RBPJ: variants seen among roughly 807,000 people sequenced by gnomAD.
The protein encoded by RBPJ is recombination signal binding protein for immunoglobulin kappa J region, also known as recombining binding protein suppressor of hairless.
A neutral mutation model predicts 67.8 loss-of-function variants in RBPJ; 9 were observed. The ratio of observed to expected loss-of-function variants is 0.13; its 90% CI spans 0.08 to 0.23. The LOEUF is 0.23. Ranked by LOEUF, RBPJ falls within the 10% of genes least tolerant of loss-of-function variation. The probability of loss-of-function intolerance (pLI) is 1.00; values close to 1 mark genes in which losing one functional copy is unlikely to be tolerated. For missense variants in RBPJ, 305 were observed against 595.6 expected, an observed-to-expected ratio of 0.51 and a Z score of 5.08; for synonymous variants, 198 against 203.3, an observed-to-expected ratio of 0.97 and a Z score of 0.22.
At chr4:26,333,861 T>C (rs927788569) in intron 1 of RBPJ, among the ~76,000 whole-genome samples, 9 of 152,130 alleles carry the variant, frequency 5.9e-5, no homozygotes, top group African/African-American at 2.2e-4. Context: ...GCCTAATTTT[T>C]ATTTTTATTG....
chr4:26,413,943 A>G (rs1338788962), intron 3 of RBPJ, among the ~76,000 whole-genome samples: 1 of 152,156 alleles, frequency 6.6e-6, no homozygotes, highest in Non-Finnish European at 1.5e-5. Context: ...GACGGGACCA[A>G]CACTAGGCCT....
chr4:26,127,210 A>T, the RBPJ span, among the ~76,000 whole-genome samples: 1 of 152,210 alleles, frequency 6.6e-6, no homozygotes, highest in Non-Finnish European at 1.5e-5. Flanking sequence ...ATCATTCCTG[A>T]AGAGGAATCC....
chr4:26,242,068 A>T (rs1020137138), intron 1 of RBPJ, among the ~76,000 whole-genome samples: 2 of 151,774 alleles, frequency 1.3e-5, no homozygotes, highest in Non-Finnish European at 2.9e-5. Flanking sequence ...CCTTTTTCTC[A>T]TGTCTTTAGG....
the RBPJ span, among the ~76,000 whole-genome samples, chr4:26,117,840 A>C: frequency 6.6e-6 from 1 of 152,200 alleles, no homozygotes; most frequent in Non-Finnish European, 1.5e-5. Context: ...TAGTGGAGAC[A>C]GATGTGGACA....
At chr4:26,171,671 G>C (rs1716590956) in intron 1 of RBPJ, among the ~76,000 whole-genome samples, 2 of 152,190 alleles carry the variant, frequency 1.3e-5, no homozygotes, top group African/African-American at 4.8e-5. Flanking sequence ...TCCACTCCTG[G>C]GTGACATCAG....
intron 3 of RBPJ, among the ~76,000 whole-genome samples, chr4:26,412,716 CA>C (rs1470694413): frequency 6.6e-6 from 1 of 152,142 alleles, no homozygotes; most frequent in African/African-American, 2.4e-5. Context: ...GGAGTCTTAA[CA>C]TCAATGTTCA....
the RBPJ span, among the ~76,000 whole-genome samples, chr4:26,111,136 T>C: frequency 6.6e-6 from 1 of 152,142 alleles, no homozygotes; most frequent in Non-Finnish European, 1.5e-5. Context: ...ATCGTCAACA[T>C]GCAGCTTGCT....
intron 1 of RBPJ, among the ~76,000 whole-genome samples, chr4:26,224,456 A>G (rs955454240): frequency 6.6e-6 from 1 of 152,088 alleles, no homozygotes; most frequent in East Asian, 1.9e-4. Flanking sequence ...CCAATATTTC[A>G]ACGTAGGTTC....
chr4:26,314,793 G>A (rs142600425), upstream of RBPJ, among the ~76,000 whole-genome samples: 12 of 152,154 alleles, frequency 7.9e-5, no homozygotes, highest in East Asian at 2.1e-3. Flanking sequence ...AGCAGTGCAA[G>A]AACAGACTAA....
At chr4:26,208,510 A>G (rs939257285) in intron 1 of RBPJ, among the ~76,000 whole-genome samples, 3 of 152,222 alleles carry the variant, frequency 2.0e-5, no homozygotes, top group African/African-American at 7.2e-5. Flanking sequence ...TTCTGTGCTA[A>G]TAATATATTT....
At chr4:26,360,997 TTGTC>T (rs1475287153) in intron 1 of RBPJ, among the ~76,000 whole-genome samples, 2 of 150,552 alleles carry the variant, frequency 1.3e-5, no homozygotes, top group Non-Finnish European at 3.0e-5. Flanking sequence ...AAGGATACAT[TTGTC>T]TGGAGGAGCA....
At chr4:26,158,317 C>T in the RBPJ span, among the ~76,000 whole-genome samples, 39 of 152,174 alleles carry the variant, frequency 2.6e-4, 1 homozygote, top group African/African-American at 9.4e-4. Context: ...GCTGAGGTCT[C>T]CAAGTTTGTC....
chr4:26,129,246 C>G, the RBPJ span, among the ~76,000 whole-genome samples: 1 of 152,166 alleles, frequency 6.6e-6, no homozygotes, highest in Admixed American at 6.5e-5. Context: ...AATAGGTGTT[C>G]TGTTTCCCAG....
At chr4:26,239,008 T>C (rs1416335926) in intron 1 of RBPJ, among the ~76,000 whole-genome samples, 1 of 152,010 alleles carries the variant, frequency 6.6e-6, no homozygotes, top group Admixed American at 6.6e-5. Context: ...CCTTTTTCAA[T>C]CAATCAGACA....
At chr4:26,360,905 C>T (rs903688814) in intron 1 of RBPJ, among the ~76,000 whole-genome samples, 10 of 151,242 alleles carry the variant, frequency 6.6e-5, no homozygotes, top group African/African-American at 1.9e-4. Flanking sequence ...CCACCGCTCC[C>T]GGCCTCATAG....
chr4:26,217,525 A>T lies in RBPJ; in HGVS notation c.-167+53911A>T, dbSNP rs541964966. Among the ~76,000 whole-genome samples, 6 of 152,222 alleles carry T rather than the reference A, an allele frequency of 3.9e-5. No individual in the cohort carries two copies. In the East Asian group the frequency reaches 1.2e-3, roughly 29 times the overall value. On this transcript the variant is annotated intron_variant, in intron 1 of 4. Transcript: ENST00000512351. ...GGATGCAAGCAGACCCCGAAAGCCC[A>T]ATTACGTTTCTAGAATCTGAATGCC...
At chr4:26,278,291 T>A (rs1721147725) in intron 1 of RBPJ, among the ~76,000 whole-genome samples, 1 of 152,212 alleles carries the variant, frequency 6.6e-6, no homozygotes, top group Non-Finnish European at 1.5e-5. Context: ...AGATTTTAAT[T>A]TATTAATTTA....
At chr4:26,386,425 C>T (rs1225276822) in intron 2 of RBPJ, 34 bp downstream of exon 2, 1 of 1,423,482 alleles carries the variant, frequency 7.0e-7, no homozygotes, top group South Asian at 1.2e-5. Context: ...TTTACACATA[C>T]ATTTTATGAA....
At chr4:26,401,628 C>T (rs1486760685) in intron 2 of RBPJ, among the ~76,000 whole-genome samples, 1 of 152,062 alleles carries the variant, frequency 6.6e-6, no homozygotes, top group Non-Finnish European at 1.5e-5. Flanking sequence ...ATGGATCTTG[C>T]CTTTAAAGAC....
Sources: allele counts gnomAD v4.1 joint callset (sites outside exome capture counted in the v4.1 genomes callset), GRCh38; gene constraint gnomAD v4.1.1; transcripts MANE v1.5; gene names NCBI Gene and HGNC (gene_info 2026-07-23, HGNC 2026-07-21).